ZNF804A: variants seen among roughly 807,000 people sequenced by gnomAD.
ZNF804A encodes zinc finger protein 804A.
A neutral mutation model predicts 16.5 loss-of-function variants in ZNF804A; 2 were observed. The ratio of observed to expected loss-of-function variants is 0.12; its 90% confidence interval spans 0.05 to 0.38. The LOEUF is 0.38. ZNF804A is among the 10% of genes least tolerant of loss of function. ZNF804A has a pLI of 0.99. For missense variants in ZNF804A, 1,473 were observed against 1,390.7 expected, an observed-to-expected ratio of 1.06 and a Z score of -0.94; for synonymous variants, 534 against 489.6, an observed-to-expected ratio of 1.09 and a Z score of -1.20.
chr2:184,742,128 A>T (rs1304381490), intron 1 of ZNF804A, among the ~76,000 whole-genome samples: 1 of 152,042 alleles, frequency 6.6e-6, no homozygotes, highest in Non-Finnish European at 1.5e-5. Flanking sequence ...TTTGCAGATC[A>T]TTTTGAAAAA....
At chr2:184,796,909 T>C (rs1694637272) in intron 1 of ZNF804A, among the ~76,000 whole-genome samples, 1 of 152,222 alleles carries the variant, frequency 6.6e-6, no homozygotes, top group Non-Finnish European at 1.5e-5. Context: ...GGTCAGGTTA[T>C]TTAATTTCCA....
intron 1 of ZNF804A, among the ~76,000 whole-genome samples, chr2:184,774,020 A>G (rs1442682893): frequency 6.6e-6 from 1 of 151,808 alleles, no homozygotes; most frequent in Non-Finnish European, 1.5e-5. Flanking sequence ...TTAGAAAAAT[A>G]CTTAGTCTGC....
chr2:184,932,043 T>C (rs1650525295), intron 2 of ZNF804A, among the ~76,000 whole-genome samples: 1 of 152,158 alleles, frequency 6.6e-6, no homozygotes, highest in Non-Finnish European at 1.5e-5. Flanking sequence ...GTTCCTCATC[T>C]CCATCTGAGA....
chr2:184,915,041 T>G (rs1258027376), intron 2 of ZNF804A, among the ~76,000 whole-genome samples: 2 of 151,856 alleles, frequency 1.3e-5, no homozygotes, highest in African/African-American at 4.8e-5. Context: ...ATTTTGGTTT[T>G]ACAATAAATC....
chr2:184,895,225 G>GGT (rs374137627), intron 2 of ZNF804A, among the ~76,000 whole-genome samples: 48 of 151,102 alleles, frequency 3.2e-4, no homozygotes, highest in Non-Finnish European at 5.8e-4. Context: ...GGTGGGTGGG[G>GGT]GTGTGTGTGT....
intron 2 of ZNF804A, among the ~76,000 whole-genome samples, chr2:184,929,528 A>G (rs1685663113): frequency 6.6e-6 from 1 of 152,030 alleles, no homozygotes; most frequent in Admixed American, 6.6e-5. Flanking sequence ...ATAACAATTA[A>G]CTTTTATACT....
At chr2:184,608,849 A>G (rs973216237) in intron 1 of ZNF804A, among the ~76,000 whole-genome samples, 1 of 152,216 alleles carries the variant, frequency 6.6e-6, no homozygotes, top group African/African-American at 2.4e-5. Flanking sequence ...TGTGCCACAT[A>G]TTACCACATT....
chr2:184,867,149 G>C (rs1695889233), intron 2 of ZNF804A, among the ~76,000 whole-genome samples: 1 of 151,856 alleles, frequency 6.6e-6, no homozygotes, highest in South Asian at 2.1e-4. Flanking sequence ...AACACTCTAT[G>C]TAAATGAGTT....
At chr2:184,908,405 C>A (rs66970879) in intron 2 of ZNF804A, among the ~76,000 whole-genome samples, 66,512 of 151,646 alleles carry the variant, frequency 0.44, 16,952 homozygotes, top group East Asian at 0.74. Context: ...TGATTGATTA[C>A]ATACAGCCCA....
At chr2:184,716,330 T>C (rs962754078) in intron 1 of ZNF804A, among the ~76,000 whole-genome samples, 1 of 152,080 alleles carries the variant, frequency 6.6e-6, no homozygotes, top group African/African-American at 2.4e-5. Context: ...TATTCTGTTT[T>C]ATCTAATATT....
chr2:184,619,550 A>T (rs536407138), intron 1 of ZNF804A, among the ~76,000 whole-genome samples: 1 of 152,026 alleles, frequency 6.6e-6, no homozygotes, highest in Admixed American at 6.6e-5. Flanking sequence ...CTTGCAAGTT[A>T]ATATCATGCC....
chr2:184,604,692 T>C (rs1409359442), intron 1 of ZNF804A, among the ~76,000 whole-genome samples: 1 of 152,196 alleles, frequency 6.6e-6, no homozygotes, highest in East Asian at 1.9e-4. Context: ...ATTCATTTAC[T>C]TAGGTTACTT....
At chr2:184,731,068 C>A (rs564650492) in intron 1 of ZNF804A, among the ~76,000 whole-genome samples, 32 of 151,164 alleles carry the variant, frequency 2.1e-4, no homozygotes, top group African/African-American at 7.5e-4. Flanking sequence ...CATGGTGAAA[C>A]CCTGAAGCCC....
chr2:184,773,596 A>T (rs1310503900), intron 1 of ZNF804A, among the ~76,000 whole-genome samples: 1 of 151,936 alleles, frequency 6.6e-6, no homozygotes, highest in Non-Finnish European at 1.5e-5. Flanking sequence ...AATGGGAGCT[A>T]AGCTATGAGG....
At chr2:184,867,726 C>T (rs1419084324) in intron 2 of ZNF804A, among the ~76,000 whole-genome samples, 1 of 152,020 alleles carries the variant, frequency 6.6e-6, no homozygotes, top group Admixed American at 6.6e-5. Context: ...TTGATTTGAA[C>T]ATTAACATTC....
chr2:184,850,334 C>T (rs1049947828), intron 1 of ZNF804A, among the ~76,000 whole-genome samples: 5 of 151,692 alleles, frequency 3.3e-5, no homozygotes, highest in Non-Finnish European at 7.4e-5. Context: ...CATGTGTACC[C>T]ATAATAATTA....
intron 1 of ZNF804A, among the ~76,000 whole-genome samples, chr2:184,747,440 A>G (rs1693807222): frequency 6.6e-6 from 1 of 150,818 alleles, no homozygotes; most frequent in African/African-American, 2.4e-5. Flanking sequence ...TTAAACAAGT[A>G]TGATTTTAAT....
intron 1 of ZNF804A, among the ~76,000 whole-genome samples, chr2:184,719,690 G>C (rs187164116): frequency 2.0e-5 from 3 of 152,250 alleles, no homozygotes; most frequent in African/African-American, 7.2e-5. Context: ...GGTCACCTTT[G>C]CTCCAGTTCC....
chr2:184,869,064 A>G (rs1377843873), intron 2 of ZNF804A, among the ~76,000 whole-genome samples: 1 of 152,012 alleles, frequency 6.6e-6, no homozygotes, highest in African/African-American at 2.4e-5. Flanking sequence ...GCTCATTTGG[A>G]CATTTCGGAT....
Sources: gnomAD v4.1 joint callset for allele counts (sites outside exome capture counted in the v4.1 genomes callset) on GRCh38, gnomAD v4.1.1 for gene constraint, MANE v1.5 for transcripts, NCBI Gene and HGNC (gene_info 2026-07-23, HGNC 2026-07-21) for gene names.